PTPN4: variants seen among roughly 807,000 people sequenced by gnomAD.
The protein encoded by PTPN4 is tyrosine-protein phosphatase non-receptor type 4.
A neutral mutation model predicts 135.5 loss-of-function variants in PTPN4; 49 were observed. The observed-to-expected ratio is 0.36, with a 90% CI of 0.29 to 0.46. The LOEUF (loss-of-function observed/expected upper bound fraction) is 0.46. Among genes scored for constraint, PTPN4 ranks in the 20% least tolerant of loss-of-function variants. The probability of loss-of-function intolerance (pLI) is 1.00; values close to 1 mark genes in which losing one functional copy is unlikely to be tolerated. For synonymous variants in PTPN4, 333 were observed against 369.9 expected (o/e 0.90, Z 1.14); for missense variants, 860 against 1,101.0 (o/e 0.78, Z 3.10).
intron 15 of PTPN4, among the ~76,000 whole-genome samples, chr2:119,943,778 A>G (rs1299148021): frequency 2.6e-5 from 4 of 151,442 alleles, no homozygotes; most frequent in African/African-American, 4.8e-5. Context: ...TAGTAGAGAC[A>G]GGGTTTCACC....
chr2:119,881,452 T>C (rs1382540410), intron 5 of PTPN4, among the ~76,000 whole-genome samples: 1 of 152,192 alleles, frequency 6.6e-6, no homozygotes, highest in Non-Finnish European at 1.5e-5. Context: ...ATACTCAGGT[T>C]TTCTATGCTT....
intron 26 of PTPN4, among the ~76,000 whole-genome samples, chr2:119,971,929 C>G (rs2136834): frequency 0.076 from 11,519 of 152,278 alleles, 560 homozygotes; most frequent in Non-Finnish European, 0.11. Flanking sequence ...TCTCAGGGCT[C>G]TTGTCAAAAA....
At chr2:119,792,263 G>T (rs1428344572) in intron 1 of PTPN4, among the ~76,000 whole-genome samples, 1 of 152,126 alleles carries the variant, frequency 6.6e-6, no homozygotes, top group Non-Finnish European at 1.5e-5. Flanking sequence ...ATTTTTTAGG[G>T]TAAATTGATC....
At chr2:119,861,321 C>G (rs1378783628) in intron 2 of PTPN4, among the ~76,000 whole-genome samples, 1 of 152,166 alleles carries the variant, frequency 6.6e-6, no homozygotes, top group Admixed American at 6.5e-5. Flanking sequence ...ATGACCTAAT[C>G]ACCTCTTAAA....
Position 119,785,514 on chromosome 2 carries a change from T to G in PTPN4, c.-17-24323T>G, listed in dbSNP as rs187874128. 1.8e-3 allele frequency among the ~76,000 whole-genome samples: 277 copies of G among 152,304 alleles called. 1 individual carries two copies. The highest frequency in any genetic ancestry group is 6.3e-3 in the African/African-American group (260 of 41,564). On this transcript the variant is annotated intron_variant, in intron 1 of 26. Transcript: ENST00000263708. ...CATAGTAGAGTTGTTAAATATACTG[T>G]TATATATTATATATTATTTTGGGTT...
At chr2:119,792,130 A>G (rs1691161129) in intron 1 of PTPN4, among the ~76,000 whole-genome samples, 1 of 152,216 alleles carries the variant, frequency 6.6e-6, no homozygotes, top group Admixed American at 6.5e-5. Flanking sequence ...ATTTATGATT[A>G]TGGAAATTGA....
chr2:119,922,374 A>C (rs900793986), intron 12 of PTPN4, among the ~76,000 whole-genome samples: 1 of 152,310 alleles, frequency 6.6e-6, no homozygotes, highest in South Asian at 2.1e-4. Context: ...TGGGATATGT[A>C]CATTTTAGAA....
chr2:119,962,486 A>G (rs1384550755), intron 23 of PTPN4, 130 bp from the exon 24 acceptor site: 2 of 490,698 alleles, frequency 4.1e-6, no homozygotes, highest in African/African-American at 4.1e-5. Context: ...GCAGATCGAG[A>G]TGAAATTTAT....
At chr2:119,876,938 T>TGTGTGTGTGC (rs1553458127) in intron 3 of PTPN4, among the ~76,000 whole-genome samples, 6 of 136,300 alleles carry the variant, frequency 4.4e-5, no homozygotes, top group Non-Finnish European at 9.9e-5. Flanking sequence ...TGTGTGTGTG[T>TGTGTGTGTGC]GTGCGTGAAG....
In PTPN4 at chr2:119,977,324, A is replaced by C. The variant is rs1419730344; in HGVS notation, c.*254A>C. 4.5e-6 allele frequency: 2 copies of C among 442,638 alleles called. No homozygotes were observed. The highest frequency in any genetic ancestry group is 4.2e-5 in the African/African-American group (2 of 47,874). 27.4% of individuals were successfully genotyped at this position (442,638 alleles called of 1,614,324 possible). On this transcript the variant is annotated 3_prime_UTR_variant, in exon 27 of 27. Coordinates refer to ENST00000263708, the MANE Select transcript of PTPN4 (RefSeq NM_002830.4). The stretch of plus-strand genomic sequence containing the variant: ...TAAATAACTGAGTATGTTCAGGGTA[A>C]TTTATGAAATTTTGTGGTGGTGCCA...
At chr2:119,879,100 A>AC (rs1479813272) in intron 5 of PTPN4, among the ~76,000 whole-genome samples, 3 of 151,748 alleles carry the variant, frequency 2.0e-5, no homozygotes, top group African/African-American at 4.8e-5. Context: ...CTGAAAAAAA[A>AC]AAAAAACAAA....
At chr2:119,889,589 C>A (rs1678211396) in intron 9 of PTPN4, among the ~76,000 whole-genome samples, 1 of 151,764 alleles carries the variant, frequency 6.6e-6, no homozygotes, top group Non-Finnish European at 1.5e-5. Context: ...TTTCATTTAT[C>A]CATCATTTTT....
chr2:119,770,501 T>G (rs1325618437), intron 1 of PTPN4, among the ~76,000 whole-genome samples: 1 of 152,242 alleles, frequency 6.6e-6, no homozygotes, highest in Non-Finnish European at 1.5e-5. Flanking sequence ...TTTTATTTTT[T>G]GTATATTCTA....
intron 9 of PTPN4, among the ~76,000 whole-genome samples, chr2:119,895,509 G>T (rs900152599): frequency 3.3e-5 from 5 of 152,074 alleles, no homozygotes; most frequent in Admixed American, 2.0e-4. Context: ...GCATGGTGGT[G>T]GGTGCCTGTA....
At chr2:119,845,467 T>G (rs1677482781) in intron 2 of PTPN4, among the ~76,000 whole-genome samples, 1 of 152,202 alleles carries the variant, frequency 6.6e-6, no homozygotes. Flanking sequence ...TGAGTCTTTC[T>G]GGCAATTTGT....
intron 3 of PTPN4, among the ~76,000 whole-genome samples, chr2:119,867,677 T>C (rs1677852038): frequency 6.6e-6 from 1 of 152,204 alleles, no homozygotes; most frequent in African/African-American, 2.4e-5. Flanking sequence ...CATGTAGATA[T>C]ATGGTAAATT....
chr2:119,775,888 T>A (rs1408399580), intron 1 of PTPN4, among the ~76,000 whole-genome samples: 3 of 152,108 alleles, frequency 2.0e-5, no homozygotes, highest in African/African-American at 7.2e-5. Context: ...GGGTTTCAGG[T>A]ATACATCTTG....
intron 1 of PTPN4, among the ~76,000 whole-genome samples, chr2:119,772,336 T>G (rs1006584649): frequency 6.6e-6 from 1 of 152,236 alleles, no homozygotes; most frequent in Non-Finnish European, 1.5e-5. Flanking sequence ...GCTTTTGATC[T>G]GTGTTATCAT....
At chr2:119,948,232 A>G (rs1476956045) in intron 18 of PTPN4, among the ~76,000 whole-genome samples, 1 of 152,162 alleles carries the variant, frequency 6.6e-6, no homozygotes. Context: ...AAGTTAATAG[A>G]TAATATCTAA....
Sources: gnomAD v4.1 joint callset for allele counts (sites outside exome capture counted in the v4.1 genomes callset) on GRCh38, gnomAD v4.1.1 for gene constraint, MANE v1.5 for transcripts, NCBI Gene and HGNC (gene_info 2026-07-23, HGNC 2026-07-21) for gene names.